Variants in ZNF804A observed in about 807,000 individuals in gnomAD.
ZNF804A encodes the protein zinc finger protein 804A.
Under a neutral mutation model 16.5 loss-of-function variants are expected in ZNF804A, and 2 were observed. The observed-to-expected ratio is 0.12, with a 90% CI of 0.05 to 0.38. The LOEUF is 0.38. Among genes scored for constraint, ZNF804A ranks in the 10% least tolerant of loss-of-function variants. The pLI is 0.99. For missense variants in ZNF804A, 1,473 were observed against 1,390.7 expected (o/e 1.06, Z -0.94); for synonymous variants, 534 against 489.6 (o/e 1.09, Z -1.20).
intron 1 of ZNF804A, among the ~76,000 whole-genome samples, chr2:184,726,335 C>G (rs1693408949): frequency 6.6e-6 from 1 of 151,406 alleles, no homozygotes; most frequent in Non-Finnish European, 1.5e-5. Flanking sequence ...ATAGGTACAC[C>G]TCATTGTGGT....
At chr2:184,762,320 A>G (rs1219519419) in intron 1 of ZNF804A, among the ~76,000 whole-genome samples, 2 of 151,838 alleles carry the variant, frequency 1.3e-5, no homozygotes, top group African/African-American at 4.8e-5. Flanking sequence ...AATGTGTGAA[A>G]CAGACAAAAT....
chr2:184,834,087 A>G (rs1695306000), intron 1 of ZNF804A, among the ~76,000 whole-genome samples: 1 of 152,056 alleles, frequency 6.6e-6, no homozygotes, highest in South Asian at 2.1e-4. Context: ...ATTTTTCCAA[A>G]TCTAAAATCC....
chr2:184,761,268 G>C (rs1694033146), intron 1 of ZNF804A, among the ~76,000 whole-genome samples: 1 of 152,104 alleles, frequency 6.6e-6, no homozygotes, highest in South Asian at 2.1e-4. Flanking sequence ...TTTTCAGTCT[G>C]TCAAGTTTGC....
chr2:184,869,343 C>A (rs1213958154), intron 2 of ZNF804A, among the ~76,000 whole-genome samples: 1 of 151,886 alleles, frequency 6.6e-6, no homozygotes, highest in Non-Finnish European at 1.5e-5. Context: ...TAGAAAAAGG[C>A]AAATTGTGCA....
At chr2:184,709,739 C>T (rs1295913240) in intron 1 of ZNF804A, among the ~76,000 whole-genome samples, 1 of 150,828 alleles carries the variant, frequency 6.6e-6, no homozygotes, top group African/African-American at 2.4e-5. Context: ...AAAAAACATT[C>T]TTGGCTCCAA....
chr2:184,847,441 A>G (rs1695537302), intron 1 of ZNF804A, among the ~76,000 whole-genome samples: 1 of 152,068 alleles, frequency 6.6e-6, no homozygotes, highest in South Asian at 2.1e-4. Context: ...CTTTGAGATA[A>G]TAGAACCTGA....
chr2:184,630,525 T>C (rs1183621851), intron 1 of ZNF804A, among the ~76,000 whole-genome samples: 2 of 152,198 alleles, frequency 1.3e-5, no homozygotes, highest in Admixed American at 6.5e-5. Flanking sequence ...TTATGTGTTT[T>C]GTGGTTCTTG....
chr2:184,788,841 G>T (rs1251874721), intron 1 of ZNF804A, among the ~76,000 whole-genome samples: 1 of 151,908 alleles, frequency 6.6e-6, no homozygotes, highest in African/African-American at 2.4e-5. Context: ...CTATCTGATT[G>T]TTCTGGCTAA....
intron 1 of ZNF804A, among the ~76,000 whole-genome samples, chr2:184,655,674 C>A (rs938709439): frequency 6.6e-6 from 1 of 151,664 alleles, no homozygotes. Context: ...GAATGGAATT[C>A]TCTAGAGGTT....
chr2:184,681,568 T>C (rs186009207), intron 1 of ZNF804A, among the ~76,000 whole-genome samples: 3 of 152,320 alleles, frequency 2.0e-5, no homozygotes, highest in Admixed American at 6.5e-5. Flanking sequence ...TTCTGAACAA[T>C]GTCAATAACA....
At chr2:184,914,798 G>T (rs1181135003) in intron 2 of ZNF804A, among the ~76,000 whole-genome samples, 2 of 151,642 alleles carry the variant, frequency 1.3e-5, no homozygotes, top group East Asian at 3.9e-4. Context: ...CTACAACTGT[G>T]TCTATATATT....
chr2:184,932,143 C>T lies in ZNF804A; in HGVS notation c.256-1460C>T, dbSNP rs138995932. Among the ~76,000 whole-genome samples, 212 of 152,220 alleles carry T rather than the reference C, an allele frequency of 1.4e-3. 2 individuals carry two copies. The East Asian group carries it at 0.021, about 15-fold the overall frequency. The stretch of plus-strand genomic sequence containing the variant: ...GTCTGTAGGAGGTTTCAAACTTTCT[C>T]ATATCTTCCTGTCTTCTAAGCCCTC... On this transcript the variant is annotated intron_variant, in intron 2 of 3. Transcript: ENST00000302277.
intron 1 of ZNF804A, among the ~76,000 whole-genome samples, chr2:184,711,417 G>A (rs1693123984): frequency 2.0e-5 from 3 of 151,646 alleles, no homozygotes; most frequent in Admixed American, 1.3e-4. Flanking sequence ...TCCTTTTTCA[G>A]ATATATGTTT....
chr2:184,866,678 CTT>C (rs757475454), intron 2 of ZNF804A, among the ~76,000 whole-genome samples, 166 bp downstream of exon 2: 1 of 139,120 alleles, frequency 7.2e-6, no homozygotes. Context: ...CAGCAAAATC[CTT>C]TTTTTTTTTT....
In ZNF804A at chr2:184,936,695, A is replaced by G. The variant is rs1333799162; in HGVS notation, c.1299A>G (p.Arg433=). ...EPFVPVLNKH[R]STVLQWPSEM... is the part of the protein sequence containing the mutation. Reference sequence around the variant, plus strand: ...TTGTACCTGTCCTTAACAAACACAGATCTACAGTTCTTCAGTGGCCATCAG... The same window carrying G: ...TTGTACCTGTCCTTAACAAACACAGGTCTACAGTTCTTCAGTGGCCATCAG... The change falls in exon 4 of 4, where the codon AGA becomes AGG. Residue 433 remains arginine (R), a synonymous_variant. Coordinates refer to ENST00000302277, the MANE Select transcript of ZNF804A (RefSeq NM_194250.2). 6.2e-7 allele frequency: 1 copy of G among 1,613,760 alleles called. No homozygotes were observed. The highest frequency in any genetic ancestry group is 1.1e-5 in the South Asian group (1 of 91,068).
rs934368182 is a variant in ZNF804A at position 184,881,427 on chromosome 2, A to T, written c.255+14915A>T. Among the ~76,000 whole-genome samples, 8 of 152,252 alleles carry T rather than the reference A, an allele frequency of 5.3e-5. No homozygotes were observed. The East Asian group carries it at 1.5e-3, about 29-fold the overall frequency. On this transcript the variant is annotated intron_variant, in intron 2 of 3. Coordinates refer to ENST00000302277, the MANE Select transcript of ZNF804A (RefSeq NM_194250.2). ...AAATTATGGAAATGCAGAGAACAAG[A>T]TACTACGTGAGAAAACAATCTGCAA... is the stretch of plus-strand genomic sequence containing the variant.
intron 2 of ZNF804A, among the ~76,000 whole-genome samples, chr2:184,892,831 C>T (rs1170220746): frequency 6.6e-6 from 1 of 151,980 alleles, no homozygotes; most frequent in Non-Finnish European, 1.5e-5. Context: ...ACGTCCTTAC[C>T]TCATGTCTCT....
chr2:184,782,432 C>A (rs1218175870), intron 1 of ZNF804A, among the ~76,000 whole-genome samples: 3 of 151,116 alleles, frequency 2.0e-5, no homozygotes, highest in Non-Finnish European at 3.0e-5. Flanking sequence ...ATAAAGCAAG[C>A]AGAAAACAAA....
chr2:184,846,257 A>G (rs1695515365), intron 1 of ZNF804A, among the ~76,000 whole-genome samples: 1 of 152,136 alleles, frequency 6.6e-6, no homozygotes, highest in Non-Finnish European at 1.5e-5. Flanking sequence ...CAGGACCACC[A>G]GTGAGACAAC....
Sources: gnomAD v4.1 joint callset for allele counts (sites outside exome capture counted in the v4.1 genomes callset) on GRCh38, gnomAD v4.1.1 for gene constraint, MANE v1.5 for transcripts, NCBI Gene and HGNC (gene_info 2026-07-23, HGNC 2026-07-21) for gene names.